The following LGI2 variants were observed in gnomAD, a reference collection of about 807,000 sequenced individuals.
LGI2 encodes leucine-rich repeat LGI family member 2.
LGI2 carries 30 observed loss-of-function variants against 52.0 expected under a neutral mutation model. That is an observed-to-expected ratio of 0.58 (90% CI 0.43 to 0.78). LGI2 has a LOEUF of 0.78. Ranked by LOEUF, LGI2 falls within the 30% of genes least tolerant of loss-of-function variation. The probability of loss-of-function intolerance (pLI) is 0.00; values close to 1 mark genes in which losing one functional copy is unlikely to be tolerated. For missense variants in LGI2, 573 were observed against 692.5 expected, an observed-to-expected ratio of 0.83 and a Z score of 1.94; for synonymous variants, 270 against 271.8, an observed-to-expected ratio of 0.99 and a Z score of 0.06.
downstream of LGI2, among the ~76,000 whole-genome samples, chr4:24,996,055 C>T (rs2109396230): frequency 6.6e-6 from 1 of 152,300 alleles, no homozygotes; most frequent in African/African-American, 2.4e-5. Context: ...GACTTGATTT[C>T]AGAGGCAGCG....
At chr4:24,992,138 C>T in the LGI2 span, among the ~76,000 whole-genome samples, 1 of 152,196 alleles carries the variant, frequency 6.6e-6, no homozygotes, top group East Asian at 1.9e-4. Flanking sequence ...CATCATCTTC[C>T]ACTGTGAAAA....
intron 4 of LGI2, among the ~76,000 whole-genome samples, chr4:25,023,522 T>C (rs1726043082): frequency 6.6e-6 from 1 of 152,224 alleles, no homozygotes; most frequent in South Asian, 2.1e-4. Flanking sequence ...CGTTCCAGAA[T>C]CAAGTGTTTG....
intron 7 of LGI2, among the ~76,000 whole-genome samples, chr4:25,008,109 G>A (rs1442637762): frequency 1.3e-5 from 2 of 152,222 alleles, no homozygotes; most frequent in East Asian, 3.9e-4. Context: ...CCTTCCTTCT[G>A]TAGCACCACC....
At chr4:24,998,447 G>T (rs560800714), downstream of LGI2, among the ~76,000 whole-genome samples, 1 of 152,272 alleles carries the variant, frequency 6.6e-6, no homozygotes, top group African/African-American at 2.4e-5. Context: ...TGTGGGTCAG[G>T]TTAGCTCCCA....
Position 24,999,692 on chromosome 4 carries a change from A to T in LGI2, c.*3759T>A. ...CTTCATTATACCCCAGGCCAGAGAA[A>T]TTTCCATCATGAGCACTCCTGACCG... is the stretch of plus-strand genomic sequence containing the variant. On this transcript the variant is annotated 3_prime_UTR_variant, in exon 8 of 8. Coordinates refer to ENST00000382114, the MANE Select transcript of LGI2 (RefSeq NM_018176.4). The T allele has an allele frequency of 2.6e-6, 1 of 385,308 alleles. No homozygotes were observed. The highest frequency in any genetic ancestry group is 8.1e-5 in the East Asian group (1 of 12,380). The allele number at this position is 385,308 out of a possible 1,614,324, so 23.9% of individuals were successfully genotyped here. A position where few individuals can be genotyped will look rare whatever the true frequency, so the allele number is the denominator to read the frequency against.
chr4:25,000,396 G>A lies in LGI2; in HGVS notation c.*3055C>T, dbSNP rs1350402133. 1 of 152,442 alleles carries A rather than the reference G, an allele frequency of 6.6e-6. No homozygotes were observed. Among genetic ancestry groups the A allele is most frequent in the Admixed American group, 6.5e-5 (1 of 15,292 alleles). The allele number at this position is 152,442 out of a possible 1,614,324, so 9.4% of individuals were successfully genotyped here. On this transcript the variant is annotated 3_prime_UTR_variant, in exon 8 of 8. Transcript: ENST00000382114. ...TCTCTCTGAAATTAGAATAATACCT[G>A]CCCTGCAATAAACTTCAGAGCTATT...
At chr4:25,014,845 AAAAAAAAAAGAG>A (rs1412826094) in intron 6 of LGI2, among the ~76,000 whole-genome samples, 2 of 143,566 alleles carry the variant, frequency 1.4e-5, no homozygotes, top group Non-Finnish European at 3.0e-5. Context: ...AAAAAAAAAA[AAAAAAAAAAGAG>A]AGAGAGAGAG....
At chr4:24,996,254 T>G (rs1047351615), downstream of LGI2, among the ~76,000 whole-genome samples, 1 of 152,326 alleles carries the variant, frequency 6.6e-6, no homozygotes, top group African/African-American at 2.4e-5. Context: ...CTATGCAAAC[T>G]GGCAAGAAAA....
In LGI2 at chr4:25,004,924, G is replaced by A. The variant is rs560888473; in HGVS notation, c.821-656C>T. Among the ~76,000 whole-genome samples, 6 of 152,294 alleles carry A rather than the reference G, an allele frequency of 3.9e-5. No homozygotes were observed. The East Asian group carries it at 1.2e-3, about 29-fold the overall frequency. ...CAATGGACAAATAGATAGACAAAAT[G>A]TGGCATATACATAAAATGGAATATT... On this transcript the variant is annotated intron_variant, in intron 7 of 7. Transcript: ENST00000382114. This position sits in a 1 kb window ranked among gnomAD's most constrained non-coding sequence, Gnocchi z 4.6.
chr4:25,024,251 C>T (rs188556066), intron 4 of LGI2, among the ~76,000 whole-genome samples: 7 of 152,316 alleles, frequency 4.6e-5, no homozygotes, highest in East Asian at 3.9e-4. Context: ...CGGTGGCTCA[C>T]GCCTGTAATC....
Position 25,001,530 on chromosome 4 carries a change from A to AT in LGI2, c.*1920dup, listed in dbSNP as rs1386250146. 1 of 151,618 alleles carries AT rather than the reference A, an allele frequency of 6.6e-6. No homozygotes were observed. The highest frequency in any genetic ancestry group is 1.5e-5 in the Non-Finnish European group (1 of 67,984). The allele number at this position is 151,618 out of a possible 1,614,324, so 9.4% of individuals were successfully genotyped here. On this transcript the variant is annotated 3_prime_UTR_variant, in exon 8 of 8. Coordinates refer to ENST00000382114, the MANE Select transcript of LGI2 (RefSeq NM_018176.4). Reference sequence around the variant, plus strand: ...CAGCCTCCAATGGGGGGACCTGGGCATTTGTAGCCTGTTCAAAGAAACCAA... The same window carrying AT: ...CAGCCTCCAATGGGGGGACCTGGGCATTTTGTAGCCTGTTCAAAGAAACCAA...
At chr4:24,993,625 G>A in the LGI2 span, among the ~76,000 whole-genome samples, 4 of 152,146 alleles carry the variant, frequency 2.6e-5, no homozygotes, top group Non-Finnish European at 5.9e-5. Context: ...AAAATTTCAT[G>A]TTAATTTCAC....
chr4:25,017,520 C>T (rs1213442848), intron 6 of LGI2, among the ~76,000 whole-genome samples: 8 of 114,222 alleles, frequency 7.0e-5, no homozygotes, highest in Admixed American at 2.4e-4. Context: ...CCAGCCTGGG[C>T]GACAGAGTAA....
Position 24,999,898 on chromosome 4 carries a change from CTTGT to C in LGI2, c.*3549_*3552del. 1 of 456,000 alleles carries C rather than the reference CTTGT, an allele frequency of 2.2e-6. No individual in the cohort carries two copies. The highest frequency in any genetic ancestry group is 4.4e-6 in the Non-Finnish European group (1 of 226,826). 28.2% of individuals were successfully genotyped at this position (456,000 alleles called of 1,614,324 possible). The stretch of plus-strand genomic sequence containing the variant: ...TGAATTTTTCCTTCACAGATCTCTT[CTTGT>C]TTATCTGGTGGACAATGTGACAAGA... On this transcript the variant is annotated 3_prime_UTR_variant, in exon 8 of 8. Coordinates refer to ENST00000382114, the MANE Select transcript of LGI2 (RefSeq NM_018176.4).
Position 25,030,698 on chromosome 4 carries a change from G to A in LGI2, c.-5C>T. ...GCCGCCTCTCCGCAGCGCCATGCCC[G>A]GTCCCCGCTCCCCGCCCGGGCCCCG... On this transcript the variant is annotated 5_prime_UTR_variant, in exon 1 of 8. Transcript: ENST00000382114. 3.7e-6 allele frequency: 5 copies of A among 1,336,406 alleles called. No homozygotes were observed. Among genetic ancestry groups the A allele is most frequent in the South Asian group, 3.9e-5 (2 of 51,072 alleles). The allele number at this position is 1,336,406 out of a possible 1,614,324, so 82.8% of individuals were successfully genotyped here. A position where few individuals can be genotyped will look rare whatever the true frequency, so the allele number is the denominator to read the frequency against.
chr4:24,993,285 G>A, the LGI2 span, among the ~76,000 whole-genome samples: 3 of 152,128 alleles, frequency 2.0e-5, no homozygotes, highest in African/African-American at 7.2e-5. Flanking sequence ...TCCTGGCTTT[G>A]CCACTCTTCA....
chr4:25,025,187 T>C (rs1043230127), intron 3 of LGI2, among the ~76,000 whole-genome samples: 3 of 152,164 alleles, frequency 2.0e-5, no homozygotes, highest in African/African-American at 7.2e-5. Context: ...GAAAGCACTA[T>C]ACAAAGGCAA....
In LGI2 at chr4:25,030,756, G is replaced by T; in HGVS notation, c.-63C>A. The T allele has an allele frequency of 3.0e-6, 3 of 985,432 alleles. No homozygotes were observed. Among genetic ancestry groups the T allele is most frequent in the Non-Finnish European group, 3.7e-6 (3 of 810,482 alleles). The allele number at this position is 985,432 out of a possible 1,614,324, so 61.0% of individuals were successfully genotyped here. On this transcript the variant is annotated 5_prime_UTR_variant, in exon 1 of 8. Coordinates refer to ENST00000382114, the MANE Select transcript of LGI2 (RefSeq NM_018176.4). ...CCGCCGCGCCGCGCGCTCGGACCCG[G>T]CGCCGCTGCAGACGCGGGCGCCGCT... is the stretch of plus-strand genomic sequence containing the variant.
downstream of LGI2, among the ~76,000 whole-genome samples, chr4:24,997,207 C>T (rs909690528): frequency 6.6e-6 from 1 of 152,210 alleles, no homozygotes; most frequent in Non-Finnish European, 1.5e-5. Flanking sequence ...GTTGCAAGGA[C>T]AGGAGATCAA....
Sources: allele counts gnomAD v4.1 joint callset (sites outside exome capture counted in the v4.1 genomes callset), GRCh38; gene constraint gnomAD v4.1.1; non-coding constraint Gnocchi (gnomAD v3.1); transcripts MANE v1.5; gene names NCBI Gene and HGNC (gene_info 2026-07-23, HGNC 2026-07-21).